The following CADPS variants were observed in gnomAD, a reference collection of about 807,000 sequenced individuals.
CADPS encodes calcium-dependent secretion activator 1.
CADPS carries 57 observed loss-of-function variants against 167.3 expected under a neutral mutation model. That is an observed-to-expected ratio of 0.34 (90% CI 0.28 to 0.42). The LOEUF (loss-of-function observed/expected upper bound fraction) is 0.42, where lower values mean the gene tolerates loss of function less well. Among genes scored for constraint, CADPS ranks in the 20% least tolerant of loss-of-function variants. The pLI is 1.00. For synonymous variants in CADPS, 676 were observed against 635.3 expected (o/e 1.06, Z -0.96); for missense variants, 1,414 against 1,738.1 (o/e 0.81, Z 3.32).
chr3:62,529,243 T>TA (rs1160830855), intron 13 of CADPS, among the ~76,000 whole-genome samples: 1 of 152,142 alleles, frequency 6.6e-6, no homozygotes, highest in Non-Finnish European at 1.5e-5. Flanking sequence ...TCTTCTTTAT[T>TA]AAAAAAATGC....
At chr3:62,573,257 TCTA>T (rs2081616514) in intron 8 of CADPS, among the ~76,000 whole-genome samples, 1 of 152,242 alleles carries the variant, frequency 6.6e-6, no homozygotes, top group African/African-American at 2.4e-5. Flanking sequence ...AAATAGTTGC[TCTA>T]CTGTATTATT....
intron 1 of CADPS, among the ~76,000 whole-genome samples, chr3:62,844,726 T>A (rs575832125): frequency 6.6e-6 from 1 of 152,298 alleles, no homozygotes; most frequent in African/African-American, 2.4e-5. Flanking sequence ...ATTGGGAAAA[T>A]CGATTCTTAG....
intron 3 of CADPS, among the ~76,000 whole-genome samples, chr3:62,726,627 T>C (rs2076796332): frequency 6.6e-6 from 1 of 152,026 alleles, no homozygotes; most frequent in South Asian, 2.1e-4. Context: ...CAGTGTCTGG[T>C]TATGCAGGGG....
intron 4 of CADPS, among the ~76,000 whole-genome samples, chr3:62,652,044 C>T (rs2070291431): frequency 6.6e-6 from 1 of 152,146 alleles, no homozygotes; most frequent in Non-Finnish European, 1.5e-5. Context: ...TTGTTAAAAT[C>T]TTGGCTTTGG....
intron 3 of CADPS, among the ~76,000 whole-genome samples, chr3:62,727,207 C>T (rs1175767196): frequency 6.6e-6 from 1 of 151,792 alleles, no homozygotes; most frequent in Non-Finnish European, 1.5e-5. Flanking sequence ...CAACTTTATT[C>T]ATAGTAGCTT....
intron 23 of CADPS, among the ~76,000 whole-genome samples, chr3:62,476,593 C>T (rs1303396929): frequency 6.6e-6 from 1 of 152,184 alleles, no homozygotes; most frequent in Non-Finnish European, 1.5e-5. Flanking sequence ...AGCTCACCCT[C>T]TTTAGGTGTC....
intron 28 of CADPS, among the ~76,000 whole-genome samples, chr3:62,407,365 G>C (rs1708910097): frequency 6.6e-6 from 1 of 152,070 alleles, no homozygotes; most frequent in African/African-American, 2.4e-5. Context: ...AGTTTTTTCT[G>C]GTAGATCATC....
chr3:62,707,830 T>C (rs1191495976), intron 3 of CADPS, among the ~76,000 whole-genome samples: 2 of 152,152 alleles, frequency 1.3e-5, no homozygotes, highest in Non-Finnish European at 2.9e-5. Context: ...ATGGAGCTAC[T>C]AGGAAATTTA....
intron 1 of CADPS, among the ~76,000 whole-genome samples, chr3:62,832,035 T>C (rs1243380282): frequency 6.6e-6 from 1 of 152,208 alleles, no homozygotes; most frequent in Admixed American, 6.5e-5. Context: ...TCTGTCTCTT[T>C]CCTTAAGAAG....
intron 1 of CADPS, among the ~76,000 whole-genome samples, chr3:62,780,964 A>C (rs548038607): frequency 1.3e-5 from 2 of 152,336 alleles, no homozygotes; most frequent in African/African-American, 2.4e-5. Context: ...AATAAATGTT[A>C]GTCGTTATCT....
chr3:62,676,963 C>G (rs1004022546), intron 3 of CADPS, among the ~76,000 whole-genome samples: 1 of 152,106 alleles, frequency 6.6e-6, no homozygotes, highest in Admixed American at 6.5e-5. Context: ...CAGACATGCA[C>G]CCTAAGAGGA....
chr3:62,801,693 C>T (rs1286166402), intron 1 of CADPS, among the ~76,000 whole-genome samples: 1 of 152,042 alleles, frequency 6.6e-6, no homozygotes. Flanking sequence ...GTGTTGTTCA[C>T]AAATCATCTC....
chr3:62,600,447 G>A (rs2059792365), intron 6 of CADPS, among the ~76,000 whole-genome samples: 1 of 152,182 alleles, frequency 6.6e-6, no homozygotes, highest in African/African-American at 2.4e-5. Context: ...AAAGATGAAG[G>A]AATGTGTATT....
rs758133851 is a variant in CADPS at position 62,657,890 on chromosome 3, C to T, written c.969+4424G>A. On this transcript the variant is annotated intron_variant, in intron 4 of 29. Coordinates refer to ENST00000383710, the MANE Select transcript of CADPS (RefSeq NM_003716.4). ...GCTGCTGGCAAAATAACCAGGGTCCCTACAATATCTTTTCCAGATTCTAAA... is the reference window on the plus strand; with the variant it reads ...GCTGCTGGCAAAATAACCAGGGTCCTTACAATATCTTTTCCAGATTCTAAA... 4.6e-5 allele frequency among the ~76,000 whole-genome samples: 7 copies of T among 152,028 alleles called. No individual in the cohort carries two copies. The East Asian group carries it at 9.6e-4, about 21-fold the overall frequency.
chr3:62,701,772 C>A (rs770841173), intron 3 of CADPS, among the ~76,000 whole-genome samples: 1 of 152,016 alleles, frequency 6.6e-6, no homozygotes, highest in South Asian at 2.1e-4. Context: ...CCAGGTAGAG[C>A]CTTCTATTCC....
chr3:62,464,888 T>C (rs1325578228), intron 26 of CADPS, among the ~76,000 whole-genome samples: 3 of 152,228 alleles, frequency 2.0e-5, no homozygotes, highest in African/African-American at 7.2e-5. Context: ...ATACAGAATT[T>C]TCTGTGAATT....
At position 62,680,464 on chromosome 3, in the gene CADPS, T is replaced by C. The variant is rs115066480; in HGVS notation, c.889-18070A>G. On this transcript the variant is annotated intron_variant, in intron 3 of 29. Coordinates refer to ENST00000383710, the MANE Select transcript of CADPS (RefSeq NM_003716.4). ...CTGAAACCTCAGCATCTCCTTGACT[T>C]TATTCTCTCATTGTCACACACATCT... Among the ~76,000 whole-genome samples, 944 of 152,114 alleles carry C rather than the reference T, an allele frequency of 6.2e-3. 10 individuals are homozygous for C. Among genetic ancestry groups the C allele is most frequent in the African/African-American group, 0.021 (887 of 41,458 alleles).
At chr3:62,709,769 T>C (rs1371162500) in intron 3 of CADPS, among the ~76,000 whole-genome samples, 5 of 128,026 alleles carry the variant, frequency 3.9e-5, no homozygotes, top group Non-Finnish European at 6.6e-5. Context: ...ATTTTATTTA[T>C]GTATTTATTA....
chr3:62,423,670 A>G, intron 28 of CADPS, among the ~76,000 whole-genome samples: 1 of 152,208 alleles, frequency 6.6e-6, no homozygotes, highest in East Asian at 1.9e-4. Flanking sequence ...TTCATCTATA[A>G]AAACCTACCT....
Sources: gnomAD v4.1 joint callset for allele counts (sites outside exome capture counted in the v4.1 genomes callset) on GRCh38, gnomAD v4.1.1 for gene constraint, MANE v1.5 for transcripts, NCBI Gene and HGNC (gene_info 2026-07-23, HGNC 2026-07-21) for gene names.